The following STARD13 variants were observed in gnomAD, a reference collection of about 807,000 sequenced individuals.
STARD13 encodes StAR related lipid transfer domain containing 13, also known as stAR-related lipid transfer protein 13.
A neutral mutation model predicts 106.4 loss-of-function variants in STARD13; 62 were observed. The observed-to-expected ratio is 0.58, with a 90% CI of 0.48 to 0.72. The LOEUF (loss-of-function observed/expected upper bound fraction) is 0.72, where lower values mean the gene tolerates loss of function less well. Ranked by LOEUF, STARD13 falls within the 30% of genes least tolerant of loss-of-function variation. STARD13 has a pLI of 0.00. For synonymous variants in STARD13, 565 were observed against 553.0 expected, an observed-to-expected ratio of 1.02 and a Z score of -0.31; for missense variants, 1,387 against 1,424.0, an observed-to-expected ratio of 0.97 and a Z score of 0.42.
chr13:33,279,174 CAT>C (rs1435070543), intron 1 of STARD13, among the ~76,000 whole-genome samples: 1 of 152,128 alleles, frequency 6.6e-6, no homozygotes, highest in African/African-American at 2.4e-5. Context: ...ACTAAATCTC[CAT>C]CTATTTATGT....
intron 1 of STARD13, among the ~76,000 whole-genome samples, chr13:33,238,504 A>G (rs1889307989): frequency 1.3e-5 from 2 of 152,184 alleles, no homozygotes; most frequent in Non-Finnish European, 2.9e-5. Flanking sequence ...TCTATTTTAT[A>G]TGTATGTTTA....
chr13:33,131,727 C>T (rs614599), intron 4 of STARD13, among the ~76,000 whole-genome samples: 49,640 of 151,918 alleles, frequency 0.33, 8,820 homozygotes, highest in Non-Finnish European at 0.41. Context: ...TTTACTCTAC[C>T]TGGGTGTTCA....
chr13:33,107,966 G>T (rs1442726393), intron 12 of STARD13, among the ~76,000 whole-genome samples: 3 of 152,180 alleles, frequency 2.0e-5, no homozygotes, highest in Non-Finnish European at 1.5e-5. Context: ...AAGAGAAATG[G>T]TGATATGTGC....
intron 1 of STARD13, among the ~76,000 whole-genome samples, chr13:33,211,622 T>C (rs967755909): frequency 1.3e-5 from 2 of 152,226 alleles, no homozygotes; most frequent in Non-Finnish European, 2.9e-5. Context: ...CTAAATTACT[T>C]ATAATACCTA....
chr13:33,196,675 A>G (rs1164404847), intron 1 of STARD13, among the ~76,000 whole-genome samples: 2 of 152,226 alleles, frequency 1.3e-5, no homozygotes, highest in Non-Finnish European at 2.9e-5. Context: ...TAATCCTAAC[A>G]GAATGGAGAG....
the STARD13 span, among the ~76,000 whole-genome samples, chr13:33,434,647 C>T: frequency 1.8e-4 from 28 of 152,034 alleles, no homozygotes; most frequent in Middle Eastern, 3.4e-3. Flanking sequence ...CTGGGGTATT[C>T]GGCAATGTGC....
At chr13:33,247,815 C>T (rs1249650603) in intron 1 of STARD13, among the ~76,000 whole-genome samples, 1 of 152,098 alleles carries the variant, frequency 6.6e-6, no homozygotes, top group African/African-American at 2.4e-5. Context: ...GAGATGCTTA[C>T]AAAATAGTGG....
At chr13:33,539,614 A>C in the STARD13 span, among the ~76,000 whole-genome samples, 20 of 152,366 alleles carry the variant, frequency 1.3e-4, no homozygotes, top group Non-Finnish European at 2.4e-4. Flanking sequence ...GTGCCAAGGT[A>C]ATTCAATGAA....
the STARD13 span, among the ~76,000 whole-genome samples, chr13:33,616,564 G>A: frequency 6.6e-6 from 1 of 152,160 alleles, no homozygotes; most frequent in Non-Finnish European, 1.5e-5. Context: ...GCCATGGTGG[G>A]GACAAGGCAT....
At chr13:33,112,963 G>C (rs1233377271) in intron 8 of STARD13, 32 bp from the exon 9 acceptor site, 2 of 1,554,630 alleles carry the variant, frequency 1.3e-6, no homozygotes, top group Admixed American at 1.8e-5. Context: ...GTCATTGGAG[G>C]AGCAGACATA....
chr13:33,386,056 G>A, the STARD13 span, among the ~76,000 whole-genome samples: 12 of 151,960 alleles, frequency 7.9e-5, no homozygotes, highest in Non-Finnish European at 1.3e-4. Flanking sequence ...GAATTCAACT[G>A]CATGCAAACA....
intron 1 of STARD13, among the ~76,000 whole-genome samples, chr13:33,168,741 C>T (rs1447802565): frequency 6.6e-6 from 1 of 152,212 alleles, no homozygotes; most frequent in East Asian, 1.9e-4. Context: ...ACTAACATCA[C>T]CCTGGGCCTG....
the STARD13 span, among the ~76,000 whole-genome samples, chr13:33,598,647 T>C: frequency 6.6e-6 from 1 of 152,252 alleles, no homozygotes; most frequent in Non-Finnish European, 1.5e-5. Flanking sequence ...CTCAGTTTTA[T>C]GGAAAATATG....
rs1265189734 is a variant in STARD13 at position 33,105,088 on chromosome 13, A to G, written c.*505T>C. 6.5e-6 allele frequency: 1 copy of G among 154,638 alleles called. No homozygotes were observed. The highest frequency in any genetic ancestry group is 1.4e-5 in the Non-Finnish European group (1 of 69,316). 9.6% of individuals were successfully genotyped at this position (154,638 alleles called of 1,614,324 possible). Reference sequence around the variant, plus strand: ...GTTAGCAGCAGGTTCTGCACAGCTTACAGGACAGTGGAGAGATGGGGCCCA... The same window carrying G: ...GTTAGCAGCAGGTTCTGCACAGCTTGCAGGACAGTGGAGAGATGGGGCCCA... On this transcript the variant is annotated 3_prime_UTR_variant, in exon 14 of 14. Transcript: ENST00000336934.
chr13:33,434,555 C>T, the STARD13 span, among the ~76,000 whole-genome samples: 9 of 151,998 alleles, frequency 5.9e-5, no homozygotes, highest in African/African-American at 2.2e-4. Flanking sequence ...GTCAAAGTCT[C>T]ATAATGCTTT....
At chr13:33,662,010 C>G in the STARD13 span, among the ~76,000 whole-genome samples, 3 of 151,852 alleles carry the variant, frequency 2.0e-5, no homozygotes, top group Non-Finnish European at 4.4e-5. Flanking sequence ...TGCCTGTAAT[C>G]CCAGCACTCT....
chr13:33,251,016 G>A (rs1890069474), intron 1 of STARD13, among the ~76,000 whole-genome samples: 1 of 152,306 alleles, frequency 6.6e-6, no homozygotes, highest in Non-Finnish European at 1.5e-5. Flanking sequence ...GGGAAGGGAA[G>A]GGAGACGTTA....
At chr13:33,120,548 G>A (rs964176849) in intron 7 of STARD13, among the ~76,000 whole-genome samples, 1 of 152,082 alleles carries the variant, frequency 6.6e-6, no homozygotes, top group African/African-American at 2.4e-5. Flanking sequence ...GTCTTCTAGG[G>A]GACATGGGAA....
intron 1 of STARD13, among the ~76,000 whole-genome samples, chr13:33,254,814 A>C (rs1409411093): frequency 6.6e-6 from 1 of 151,994 alleles, no homozygotes; most frequent in Non-Finnish European, 1.5e-5. Flanking sequence ...TCGTGTTCCC[A>C]CTCCAACCCC....
Sources: allele counts gnomAD v4.1 joint callset (sites outside exome capture counted in the v4.1 genomes callset), GRCh38; gene constraint gnomAD v4.1.1; transcripts MANE v1.5; gene names NCBI Gene and HGNC (gene_info 2026-07-23, HGNC 2026-07-21).